NT5C3A: variants seen among roughly 807,000 people sequenced by gnomAD.
NT5C3A encodes the protein cytosolic 5'-nucleotidase 3A.
Under a neutral mutation model 40.0 loss-of-function variants are expected in NT5C3A, and 23 were observed. The observed-to-expected ratio is 0.58, with a 90% confidence interval of 0.41 to 0.81. NT5C3A has a LOEUF of 0.81. Ranked by LOEUF, NT5C3A falls within the 40% of genes least tolerant of loss-of-function variation. The probability of loss-of-function intolerance (pLI) is 0.00; values close to 1 mark genes in which losing one functional copy is unlikely to be tolerated. For synonymous variants in NT5C3A, 130 were observed against 141.4 expected (o/e 0.92, Z 0.57); for missense variants, 328 against 403.0 (o/e 0.81, Z 1.59).
chr7:33,058,340 T>TTTTTA lies in NT5C3A; in HGVS notation c.138+4223_138+4227dup, dbSNP rs139814535. 6.7e-4 allele frequency among the ~76,000 whole-genome samples: 101 copies of TTTTTA among 151,190 alleles called. No individual in the cohort carries two copies. In the Middle Eastern group the frequency reaches 0.017, roughly 26 times the overall value. ...GTATGAATAGTACACTTTTATTATT[T>TTTTTA]TTTTATTTTATTTTATTTTATTTTG... is the stretch of plus-strand genomic sequence containing the variant. On this transcript the variant is annotated intron_variant, in intron 1 of 8. Transcript: ENST00000610140.
At position 33,014,232 on chromosome 7, in the gene NT5C3A, ACTGCTAGT is replaced by A. The variant is rs1332128072; in HGVS notation, c.*490_*497del. 6.6e-6 allele frequency: 3 copies of A among 454,396 alleles called. No homozygotes were observed. Among genetic ancestry groups the A allele is most frequent in the African/African-American group, 4.0e-5 (2 of 50,002 alleles). The allele number at this position is 454,396 out of a possible 1,614,324, so 28.1% of individuals were successfully genotyped here. ...ACACCACCAGGTTTTTCCAACACTA[ACTGCTAGT>A]CTTTTCCAGTAAATATTTTTTCCCC... On this transcript the variant is annotated 3_prime_UTR_variant, in exon 9 of 9. Coordinates refer to ENST00000610140, the MANE Select transcript of NT5C3A (RefSeq NM_001002010.5).
chr7:33,024,056 CT>C lies in NT5C3A; in HGVS notation c.289del (p.Arg97AspfsTer26). On this transcript the variant is annotated frameshift_variant, in exon 3 of 9. Coordinates refer to ENST00000610140, the MANE Select transcript of NT5C3A (RefSeq NM_001002010.5). LOFTEE classifies it high-confidence loss of function. ...TLSRFSYKGK[R>X]CPTCHNIIDN... ...ACACTTACTATGACATGTTGGGCAT[CT>C]TTTCCCTTTATATGAAAATCTACTG... 7 of 1,570,640 alleles carry C rather than the reference CT, an allele frequency of 4.5e-6. No individual in the cohort carries two copies. Among genetic ancestry groups the C allele is most frequent in the Non-Finnish European group, 6.1e-6 (7 of 1,141,032 alleles).
chr7:33,049,693 G>T (rs73105656), intron 1 of NT5C3A, among the ~76,000 whole-genome samples: 16,251 of 151,960 alleles, frequency 0.11, 1,240 homozygotes, highest in Non-Finnish European at 0.16. Context: ...CAACAGGCCG[G>T]GCACAGTGGC....
At chr7:33,061,510 C>T (rs1228603239) in intron 1 of NT5C3A, among the ~76,000 whole-genome samples, 1 of 152,096 alleles carries the variant, frequency 6.6e-6, no homozygotes, top group Non-Finnish European at 1.5e-5. Context: ...TCTCAGCCTC[C>T]CAAATAGCTG....
intron 1 of NT5C3A, among the ~76,000 whole-genome samples, chr7:33,039,555 G>GTTGTTTT (rs1554292214): frequency 1.4e-5 from 1 of 70,018 alleles, no homozygotes; most frequent in Non-Finnish European, 2.6e-5. Context: ...TTAAGCTTGG[G>GTTGTTTT]TTTTTTGTTT....
chr7:33,032,518 G>A lies in NT5C3A; in HGVS notation c.139-5603C>T, dbSNP rs145286588. Among the ~76,000 whole-genome samples, 678 of 151,458 alleles carry A rather than the reference G, an allele frequency of 4.5e-3. 4 individuals carry two copies. The highest frequency in any genetic ancestry group is 0.016 in the African/African-American group (654 of 41,296). Reference sequence around the variant, plus strand: ...GTCACCCAGGCTGGAGGGCAGTGGCGTGATCTTGGCTCACTGCAACTTTCC... The same window carrying A: ...GTCACCCAGGCTGGAGGGCAGTGGCATGATCTTGGCTCACTGCAACTTTCC... On this transcript the variant is annotated intron_variant, in intron 1 of 8. Transcript: ENST00000610140.
intron 1 of NT5C3A, among the ~76,000 whole-genome samples, chr7:33,036,960 T>C (rs1191501862): frequency 6.6e-6 from 1 of 152,040 alleles, no homozygotes; most frequent in Non-Finnish European, 1.5e-5. Context: ...TACAGGCGCA[T>C]GCCGCCACGC....
intron 2 of NT5C3A, among the ~76,000 whole-genome samples, chr7:33,024,609 T>C (rs1322272771): frequency 6.6e-6 from 1 of 152,154 alleles, no homozygotes; most frequent in Non-Finnish European, 1.5e-5. Flanking sequence ...AAAATACTGT[T>C]AGAAGGAATA....
At chr7:33,017,345 G>T in intron 7 of NT5C3A, 94 bp downstream of exon 7, 2 of 998,334 alleles carry the variant, frequency 2.0e-6, no homozygotes, top group Non-Finnish European at 1.5e-6. Flanking sequence ...CTAATTTCTG[G>T]ATATAGGATA....
intron 2 of NT5C3A, among the ~76,000 whole-genome samples, chr7:33,024,481 T>G (rs1308027340): frequency 1.3e-5 from 2 of 152,070 alleles, no homozygotes; most frequent in Non-Finnish European, 2.9e-5. Context: ...ATGTTCTTAC[T>G]CATATGTGAA....
At chr7:33,032,423 CAAAAA>C (rs34501041) in intron 1 of NT5C3A, among the ~76,000 whole-genome samples, 4 of 94,854 alleles carry the variant, frequency 4.2e-5, no homozygotes, top group African/African-American at 1.6e-4. Flanking sequence ...ACTCGGTCTC[CAAAAA>C]AAAAAAAAAA....
chr7:33,026,423 C>A, intron 2 of NT5C3A, among the ~76,000 whole-genome samples: 1 of 149,424 alleles, frequency 6.7e-6, no homozygotes, highest in East Asian at 2.0e-4. Context: ...GGCATGATCT[C>A]AACTCATTGC....
At chr7:33,058,965 T>C (rs956797212) in intron 1 of NT5C3A, among the ~76,000 whole-genome samples, 2 of 152,220 alleles carry the variant, frequency 1.3e-5, no homozygotes, top group Admixed American at 6.5e-5. Flanking sequence ...CAACTTCTGA[T>C]CTTGTCATCA....
At chr7:33,027,324 C>A (rs1335366689) in intron 1 of NT5C3A, among the ~76,000 whole-genome samples, 1 of 152,200 alleles carries the variant, frequency 6.6e-6, no homozygotes, top group Non-Finnish European at 1.5e-5. Context: ...CCCATCTTGG[C>A]CTTCCAAAGT....
intron 8 of NT5C3A, among the ~76,000 whole-genome samples, chr7:33,015,435 C>T (rs915126587): frequency 1.9e-4 from 29 of 151,900 alleles, no homozygotes; most frequent in Non-Finnish European, 3.2e-4. Context: ...TAGTGGTGTG[C>T]GCCTGTAGTT....
At position 33,036,022 on chromosome 7, in the gene NT5C3A, GAAA is replaced by G. The variant is rs201758497; in HGVS notation, c.139-9110_139-9108del. 1.2e-5 allele frequency: 17 copies of G among 1,456,630 alleles called. No individual in the cohort carries two copies. The African/African-American group carries it at 2.2e-4, about 19-fold the overall frequency. The allele number at this position is 1,456,630 out of a possible 1,614,324, so 90.2% of individuals were successfully genotyped here. ...TCCCAGGTGATGTCACAGCAAAAGAGAAAAAAAAAAGTACACGTGACATACATA... is the reference window on the plus strand; with the variant it reads ...TCCCAGGTGATGTCACAGCAAAAGAGAAAAAAAGTACACGTGACATACATA... On this transcript the variant is annotated intron_variant, in intron 1 of 8. Coordinates refer to ENST00000610140, the MANE Select transcript of NT5C3A (RefSeq NM_001002010.5).
At chr7:33,041,587 C>T (rs536054766) in intron 1 of NT5C3A, among the ~76,000 whole-genome samples, 1 of 151,986 alleles carries the variant, frequency 6.6e-6, no homozygotes, top group South Asian at 2.1e-4. Flanking sequence ...TATCAAAGGG[C>T]AGTGGGATTT....
At chr7:33,027,119 G>C in intron 1 of NT5C3A, 1 of 469,442 alleles carries the variant, frequency 2.1e-6, no homozygotes, top group Admixed American at 3.4e-5. Context: ...ACCCCGGCTG[G>C]AGTGCAGTGG....
chr7:33,023,191 C>T (rs111434287), intron 3 of NT5C3A, among the ~76,000 whole-genome samples: 5 of 152,090 alleles, frequency 3.3e-5, no homozygotes, highest in African/African-American at 9.6e-5. Flanking sequence ...GGATTACAGG[C>T]GTGAGCCACT....
Sources: gnomAD v4.1 joint callset for allele counts (sites outside exome capture counted in the v4.1 genomes callset) on GRCh38, gnomAD v4.1.1 for gene constraint, MANE v1.5 for transcripts, NCBI Gene and HGNC (gene_info 2026-07-23, HGNC 2026-07-21) for gene names.